FBXO36: variants seen among roughly 807,000 people sequenced by gnomAD.
The protein encoded by FBXO36 is F-box only protein 36.
Under a neutral mutation model 17.0 loss-of-function variants are expected in FBXO36, and 18 were observed. That is an observed-to-expected ratio of 1.06 (90% CI 0.73 to 1.57). The LOEUF (loss-of-function observed/expected upper bound fraction) is 1.57. Among genes scored for constraint, FBXO36 ranks in the 40% most tolerant of loss-of-function variants. The pLI is 0.00. For synonymous variants in FBXO36, 83 were observed against 85.3 expected (o/e 0.97, Z 0.15); for missense variants, 229 against 221.9 (o/e 1.03, Z -0.20).
rs548593797 is a variant in FBXO36 at position 229,934,632 on chromosome 2, T to C, written c.96+12023T>C. On this transcript the variant is annotated intron_variant, in intron 1 of 3. Transcript: ENST00000283946. ...CACCAAATCAGTCAGACTTTACCTT[T>C]TCTATGACTGTTTCATTTTCCTTAT... 1.2e-4 allele frequency among the ~76,000 whole-genome samples: 19 copies of C among 152,258 alleles called. No homozygotes were observed. The South Asian group carries it at 3.9e-3, about 32-fold the overall frequency.
intron 3 of FBXO36, among the ~76,000 whole-genome samples, chr2:230,007,306 T>C (rs1399772615): frequency 1.3e-5 from 2 of 152,216 alleles, no homozygotes; most frequent in Non-Finnish European, 1.5e-5. Context: ...TATAAACACA[T>C]TCATCCTGAT....
intron 2 of FBXO36, among the ~76,000 whole-genome samples, chr2:229,994,292 ACCCCCC>A (rs1315161098): frequency 1.9e-4 from 29 of 151,796 alleles, no homozygotes; most frequent in Non-Finnish European, 1.3e-4. Context: ...GCTATTCCTC[ACCCCCC>A]AAGAAGGCCC....
At chr2:230,008,891 G>C (rs373582837) in intron 3 of FBXO36, among the ~76,000 whole-genome samples, 1 of 152,170 alleles carries the variant, frequency 6.6e-6, no homozygotes, top group Non-Finnish European at 1.5e-5. Flanking sequence ...AATGCTTTAA[G>C]GTCTGTAGAT....
In FBXO36 at chr2:229,976,323, A is replaced by G; in HGVS notation, c.179A>G (p.Asp60Gly). ...KPGEAKETHE[D>G]FLENSHLQGQ... ...GGAGAAGCAAAAGAAACCCATGAAG[A>G]CTTCCTAGAGAATTCACATCTTCAA... Residue 60 changes from aspartate to glycine, a missense_variant, in exon 2 of 4, where the codon GAC becomes GGC. By Grantham distance (94) the Asp-to-Gly change is moderately conservative. Transcript: ENST00000283946. 6.2e-7 allele frequency: 1 copy of G among 1,613,442 alleles called. No individual in the cohort carries two copies. Among genetic ancestry groups the G allele is most frequent in the Non-Finnish European group, 8.5e-7 (1 of 1,179,480 alleles).
intron 1 of FBXO36, among the ~76,000 whole-genome samples, chr2:229,947,547 CCTTTGGCTGCTGTG>C (rs1186902758): frequency 6.6e-6 from 1 of 152,220 alleles, no homozygotes; most frequent in Non-Finnish European, 1.5e-5. Flanking sequence ...TAGTAAGCAG[CCTTTGGCTGCTGTG>C]TAGAAGATTG....
At chr2:229,944,120 G>A (rs1275863074) in intron 1 of FBXO36, among the ~76,000 whole-genome samples, 2 of 152,152 alleles carry the variant, frequency 1.3e-5, no homozygotes, top group African/African-American at 4.8e-5. Context: ...CTGTGGAACT[G>A]TGAATCAGTT....
At chr2:229,970,375 A>G (rs560341933) in intron 1 of FBXO36, among the ~76,000 whole-genome samples, 12 of 152,164 alleles carry the variant, frequency 7.9e-5, no homozygotes, top group Non-Finnish European at 7.4e-5. Flanking sequence ...AAAAATGTAT[A>G]TATCTGTAAT....
rs190570058 is a variant in FBXO36, at chr2:229,963,778, C to T, written c.97-12463C>T. ...TGTTTCTTATGTGTGGCACTGTTGT[C>T]TGTAGTATGTAATCCTATGAATGGA... On this transcript the variant is annotated intron_variant, in intron 1 of 3. Coordinates refer to ENST00000283946, the MANE Select transcript of FBXO36 (RefSeq NM_174899.5). 4.6e-5 allele frequency among the ~76,000 whole-genome samples: 7 copies of T among 152,244 alleles called. No homozygotes were observed. The East Asian group carries it at 1.4e-3, about 29-fold the overall frequency.
intron 1 of FBXO36, among the ~76,000 whole-genome samples, chr2:229,968,104 C>T (rs1253564893): frequency 6.6e-6 from 1 of 151,818 alleles, no homozygotes; most frequent in African/African-American, 2.4e-5. Context: ...CAAATGGCCA[C>T]CCACTGGTTC....
At chr2:229,999,209 C>T (rs1168220819) in intron 3 of FBXO36, among the ~76,000 whole-genome samples, 1 of 150,680 alleles carries the variant, frequency 6.6e-6, no homozygotes, top group Non-Finnish European at 1.5e-5. Flanking sequence ...TGACTGCAAC[C>T]TCCGCCTATT....
chr2:230,005,887 T>G (rs1456241871), intron 3 of FBXO36, among the ~76,000 whole-genome samples: 1 of 151,924 alleles, frequency 6.6e-6, no homozygotes, highest in Non-Finnish European at 1.5e-5. Context: ...AGGCTGATCT[T>G]AAACTCCTGA....
intron 2 of FBXO36, among the ~76,000 whole-genome samples, chr2:229,995,551 T>C (rs1356783232): frequency 2.8e-5 from 4 of 143,280 alleles, no homozygotes; most frequent in African/African-American, 9.9e-5. Flanking sequence ...TTTTTTCTCT[T>C]TCTTTCCTTC....
At chr2:229,977,911 CTCTCAA>C in intron 2 of FBXO36, among the ~76,000 whole-genome samples, 1 of 152,194 alleles carries the variant, frequency 6.6e-6, no homozygotes, top group South Asian at 2.1e-4. Context: ...TAGAATGTGT[CTCTCAA>C]GGGACTTTCT....
chr2:229,924,537 T>C (rs1329563230), intron 1 of FBXO36, among the ~76,000 whole-genome samples: 2 of 152,218 alleles, frequency 1.3e-5, no homozygotes, highest in Non-Finnish European at 1.5e-5. Context: ...CTTTAAAAAT[T>C]TGTCTTTTTT....
intron 1 of FBXO36, among the ~76,000 whole-genome samples, chr2:229,954,053 G>A (rs938731776): frequency 1.3e-5 from 2 of 151,624 alleles, no homozygotes; most frequent in Non-Finnish European, 2.9e-5. Context: ...TTGTAGAGAC[G>A]GGGTCTTGCT....
At chr2:230,002,939 C>T (rs537891814) in intron 3 of FBXO36, among the ~76,000 whole-genome samples, 1 of 151,948 alleles carries the variant, frequency 6.6e-6, no homozygotes. Flanking sequence ...TGAAATATTC[C>T]TTCTTGGCTG....
chr2:229,964,815 G>A (rs187438287), intron 1 of FBXO36, among the ~76,000 whole-genome samples: 68 of 152,262 alleles, frequency 4.5e-4, no homozygotes, highest in African/African-American at 9.9e-4. Context: ...CACCGCGCCC[G>A]GTGCGTGTAT....
chr2:229,935,944 T>C (rs886083060), intron 1 of FBXO36, among the ~76,000 whole-genome samples: 9 of 152,126 alleles, frequency 5.9e-5, no homozygotes, highest in African/African-American at 2.2e-4. Flanking sequence ...TCCCAGGACT[T>C]TGGGAGGCCA....
intron 1 of FBXO36, among the ~76,000 whole-genome samples, 169 bp downstream of exon 1, chr2:229,922,778 G>A (rs1354866736): frequency 1.3e-5 from 2 of 152,164 alleles, no homozygotes; most frequent in South Asian, 2.1e-4. Flanking sequence ...TCGGTCCGAC[G>A]GCCCGCGTGT....
Sources: allele counts gnomAD v4.1 joint callset (sites outside exome capture counted in the v4.1 genomes callset), GRCh38; gene constraint gnomAD v4.1.1; transcripts MANE v1.5; gene names NCBI Gene and HGNC (gene_info 2026-07-23, HGNC 2026-07-21).